HMGB1: variants seen among roughly 807,000 people sequenced by gnomAD.
HMGB1 encodes high mobility group protein B1.
For synonymous variants in HMGB1, 81 were observed against 84.0 expected (o/e 0.96, Z 0.19); for missense variants, 79 against 253.5 (o/e 0.31, Z 4.67).
At chr13:30,609,017 T>G (rs1055733481) in intron 1 of HMGB1, among the ~76,000 whole-genome samples, 1 of 139,570 alleles carries the variant, frequency 7.2e-6, no homozygotes, top group African/African-American at 2.5e-5. Flanking sequence ...ATCCCAGCAC[T>G]TGGGGAGGCC....
chr13:30,463,166 G>A (rs770447854), intron 3 of HMGB1, 41 bp downstream of exon 3: 35 of 1,585,718 alleles, frequency 2.2e-5, no homozygotes, highest in Non-Finnish European at 2.0e-5. Flanking sequence ...AGATTCTACT[G>A]TAAAACGTGT....
intron 1 of HMGB1, chr13:30,542,167 G>T: frequency 6.2e-6 from 1 of 162,208 alleles, no homozygotes; most frequent in Admixed American, 6.2e-5. Context: ...ACAGTCTGGA[G>T]GGGGCACCAT....
At chr13:30,523,073 C>T (rs1888276130) in intron 1 of HMGB1, among the ~76,000 whole-genome samples, 1 of 152,206 alleles carries the variant, frequency 6.6e-6, no homozygotes, top group Non-Finnish European at 1.5e-5. Flanking sequence ...GCTGTACCAT[C>T]CAGGTTGGTC....
upstream of HMGB1, among the ~76,000 whole-genome samples, chr13:30,466,402 C>T (rs1593259570): frequency 2.0e-5 from 3 of 152,066 alleles, no homozygotes; most frequent in South Asian, 4.1e-4. Context: ...GGATCATGTC[C>T]CCTGAAAACT....
chr13:30,488,140 ATTG>A (rs1283459829), intron 1 of HMGB1, among the ~76,000 whole-genome samples: 1 of 152,206 alleles, frequency 6.6e-6, no homozygotes. Flanking sequence ...GAATTACAGA[ATTG>A]TTGTGTAATC....
intron 1 of HMGB1, among the ~76,000 whole-genome samples, chr13:30,609,785 C>G (rs566392708): frequency 6.6e-6 from 1 of 152,282 alleles, no homozygotes; most frequent in East Asian, 1.9e-4. Context: ...CTGTATGATT[C>G]TTATGCCTCT....
chr13:30,486,734 C>T (rs1439773421), intron 1 of HMGB1, among the ~76,000 whole-genome samples: 2 of 152,064 alleles, frequency 1.3e-5, no homozygotes, highest in Non-Finnish European at 2.9e-5. Flanking sequence ...GAACGGGATT[C>T]CTATTTGCCA....
intron 1 of HMGB1, among the ~76,000 whole-genome samples, chr13:30,561,830 G>C (rs1322686443): frequency 2.6e-5 from 4 of 152,162 alleles, no homozygotes; most frequent in Non-Finnish European, 5.9e-5. Context: ...CATCAAGATA[G>C]TGGAATTTAC....
rs145351283 is a variant in HMGB1, at chr13:30,547,746, G to A, written c.-15+68925C>T. On this transcript the variant is annotated intron_variant, in intron 1 of 4. Coordinates refer to the HMGB1 transcript ENST00000405805. Reference sequence around the variant, plus strand: ...AGCCTGGCCAATGTGGTGAAACCCCGTCTCTACTAAAAATACAAAAATCAG... The same window carrying A: ...AGCCTGGCCAATGTGGTGAAACCCCATCTCTACTAAAAATACAAAAATCAG... 7.6e-3 allele frequency among the ~76,000 whole-genome samples: 1,161 copies of A among 152,030 alleles called. 19 individuals are homozygous for A. Among genetic ancestry groups the A allele is most frequent in the African/African-American group, 0.027 (1,127 of 41,458 alleles).
At chr13:30,496,084 T>G (rs1887604454) in intron 1 of HMGB1, among the ~76,000 whole-genome samples, 1 of 152,224 alleles carries the variant, frequency 6.6e-6, no homozygotes, top group Non-Finnish European at 1.5e-5. Context: ...ATATATTAAC[T>G]TGGAGTCAAC....
At chr13:30,497,705 A>G (rs138392568) in intron 1 of HMGB1, among the ~76,000 whole-genome samples, 1 of 152,244 alleles carries the variant, frequency 6.6e-6, no homozygotes, top group African/African-American at 2.4e-5. Context: ...AACATGCACT[A>G]TCTGACTTTC....
chr13:30,516,761 T>A (rs1440950231), intron 1 of HMGB1, among the ~76,000 whole-genome samples: 2 of 151,724 alleles, frequency 1.3e-5, no homozygotes, highest in African/African-American at 2.4e-5. Context: ...ATACAAAAAA[T>A]AAAAAATTAG....
In HMGB1 at chr13:30,471,762, G is replaced by A. The variant is rs1392419994; in HGVS notation, c.-14-8068C>T. Among the ~76,000 whole-genome samples the A allele has an allele frequency of 1.0e-4, 14 of 134,922 alleles. No individual in the cohort carries two copies. The East Asian group carries it at 2.3e-3, about 22-fold the overall frequency. 88.5% of individuals were successfully genotyped at this position (134,922 alleles called of 152,430 possible). The stretch of plus-strand genomic sequence containing the variant: ...CGGCTCACTGCAACGTCCACCTCCC[G>A]GGTTCAAGCGATTCTCCTGCCTCAG... On this transcript the variant is annotated intron_variant, in intron 1 of 4. Coordinates refer to the HMGB1 transcript ENST00000405805.
intron 1 of HMGB1, among the ~76,000 whole-genome samples, chr13:30,588,351 C>A (rs1871239060): frequency 6.6e-6 from 1 of 152,130 alleles, no homozygotes; most frequent in South Asian, 2.1e-4. Context: ...AAGATGAGAT[C>A]TGGGCTGGAT....
chr13:30,536,876 T>C (rs1868463873), intron 1 of HMGB1, among the ~76,000 whole-genome samples: 1 of 152,180 alleles, frequency 6.6e-6, no homozygotes, highest in African/African-American at 2.4e-5. Flanking sequence ...TACTGACTTC[T>C]TGGCAGCATC....
intron 1 of HMGB1, chr13:30,464,227 C>T: frequency 1.0e-6 from 1 of 985,452 alleles, no homozygotes; most frequent in Non-Finnish European, 1.2e-6. Flanking sequence ...GGAGCAGCAG[C>T]CAGCTCCGGT....
intron 1 of HMGB1, among the ~76,000 whole-genome samples, chr13:30,607,942 G>A (rs147791633): frequency 1.6e-4 from 25 of 152,186 alleles, no homozygotes; most frequent in East Asian, 5.8e-4. Context: ...TGTGGTAGCC[G>A]GCCCCCAAGA....
intron 1 of HMGB1, among the ~76,000 whole-genome samples, chr13:30,498,037 G>A (rs1887651600): frequency 6.6e-6 from 1 of 152,168 alleles, no homozygotes; most frequent in African/African-American, 2.4e-5. Context: ...TCGCCAAACT[G>A]CTTTCCACAG....
chr13:30,484,321 C>T (rs527325752), intron 1 of HMGB1, among the ~76,000 whole-genome samples: 2 of 152,288 alleles, frequency 1.3e-5, no homozygotes, highest in East Asian at 3.9e-4. Context: ...AGGAGCCACT[C>T]AATTCATAAT....
Sources: gnomAD v4.1 joint callset for allele counts (sites outside exome capture counted in the v4.1 genomes callset) on GRCh38, gnomAD v4.1.1 for gene constraint, MANE v1.5 for transcripts, NCBI Gene and HGNC (gene_info 2026-07-23, HGNC 2026-07-21) for gene names.